Variants in IFRD1 observed in about 807,000 individuals in gnomAD.
The protein encoded by IFRD1 is interferon-related developmental regulator 1.
In IFRD1, 35 loss-of-function variants were observed where a neutral mutation model predicts 52.9. The observed-to-expected ratio is 0.66, with a 90% CI of 0.51 to 0.88. IFRD1 has a LOEUF of 0.88. Ranked by LOEUF, IFRD1 falls within the 40% of genes least tolerant of loss-of-function variation. The pLI is 0.00. For missense variants in IFRD1, 517 were observed against 550.8 expected, an observed-to-expected ratio of 0.94 and a Z score of 0.61; for synonymous variants, 184 against 188.4, an observed-to-expected ratio of 0.98 and a Z score of 0.19.
chr7:112,463,560 T>C (rs1795520161), intron 8 of IFRD1, among the ~76,000 whole-genome samples: 2 of 152,144 alleles, frequency 1.3e-5, no homozygotes, highest in Non-Finnish European at 2.9e-5. Context: ...CTAATAATTC[T>C]CCTTATGTGA....
At chr7:112,466,178 T>G (rs1259000110) in intron 8 of IFRD1, among the ~76,000 whole-genome samples, 1 of 152,148 alleles carries the variant, frequency 6.6e-6, no homozygotes, top group African/African-American at 2.4e-5. Context: ...TATCGTAAAG[T>G]CCTATTAATA....
At chr7:112,469,838 G>A (rs563091478) in intron 9 of IFRD1, among the ~76,000 whole-genome samples, 8 of 152,102 alleles carry the variant, frequency 5.3e-5, no homozygotes, top group East Asian at 1.9e-4. Flanking sequence ...TGATCTACCC[G>A]CCCACCTTCT....
intron 1 of IFRD1, among the ~76,000 whole-genome samples, chr7:112,445,260 G>A (rs1052009244): frequency 5.3e-5 from 8 of 151,890 alleles, no homozygotes; most frequent in South Asian, 2.1e-4. Flanking sequence ...TAGAGACGGG[G>A]TTTCACCGTG....
chr7:112,426,670 A>G (rs1377955205), intron 1 of IFRD1, among the ~76,000 whole-genome samples: 4 of 152,164 alleles, frequency 2.6e-5, no homozygotes, highest in African/African-American at 9.7e-5. Context: ...TGGGATCCAC[A>G]CATGTCTCAT....
chr7:112,460,827 T>A (rs1795416926), intron 5 of IFRD1, among the ~76,000 whole-genome samples: 1 of 152,168 alleles, frequency 6.6e-6, no homozygotes. Context: ...CTTAAAGCTT[T>A]AATAATGCTT....
At chr7:112,458,305 T>G (rs1795343926) in intron 4 of IFRD1, 1 of 145,108 alleles carries the variant, frequency 6.9e-6, no homozygotes, top group African/African-American at 2.7e-5. Context: ...GGCGACAGAG[T>G]GAGACCCTGT....
intron 9 of IFRD1, 74 bp downstream of exon 9, chr7:112,468,189 C>G (rs2117326464): frequency 6.8e-7 from 1 of 1,466,774 alleles, no homozygotes; most frequent in Non-Finnish European, 9.5e-7. Flanking sequence ...GACAATTGTA[C>G]CATTTTGTTG....
In IFRD1 at chr7:112,453,944, T is replaced by C. The variant is rs1048212979; in HGVS notation, c.95-1819T>C. 1.2e-4 allele frequency among the ~76,000 whole-genome samples: 18 copies of C among 152,130 alleles called. 1 individual carries two copies. The highest frequency in any genetic ancestry group is 4.1e-4 in the African/African-American group (17 of 41,422). Reference sequence around the variant, plus strand: ...AAAAAAACCGTTAAGGTGGTGACGTTTGAACATACGAACTTTGATTTTACT... The same window carrying C: ...AAAAAAACCGTTAAGGTGGTGACGTCTGAACATACGAACTTTGATTTTACT... On this transcript the variant is annotated intron_variant, in intron 1 of 11. Coordinates refer to ENST00000403825, the MANE Select transcript of IFRD1 (RefSeq NM_001550.4).
intron 4 of IFRD1, chr7:112,457,526 T>C (rs1795326521): frequency 6.2e-6 from 1 of 161,390 alleles, no homozygotes. Context: ...AAAGATAATT[T>C]TATCAGACCT....
At chr7:112,446,145 T>C (rs1795024565), upstream of IFRD1, 1 of 158,690 alleles carries the variant, frequency 6.3e-6, no homozygotes, top group Admixed American at 6.4e-5. Context: ...GTTCATGTCT[T>C]TTATTAACTC....
chr7:112,458,833 C>A (rs779480063), intron 4 of IFRD1, 28 bp from the exon 5 acceptor site: 1 of 1,607,538 alleles, frequency 6.2e-7, no homozygotes, highest in Admixed American at 1.7e-5. Flanking sequence ...AAAAGACTAT[C>A]GTGATTGCAT....
At chr7:112,426,056 T>C (rs1403561529) in intron 1 of IFRD1, among the ~76,000 whole-genome samples, 3 of 152,144 alleles carry the variant, frequency 2.0e-5, no homozygotes, top group Non-Finnish European at 2.9e-5. Context: ...CTTTCATGAA[T>C]AAAACTTTCA....
chr7:112,461,618 T>C (rs1795434859), intron 5 of IFRD1: 2 of 269,778 alleles, frequency 7.4e-6, no homozygotes, highest in Non-Finnish European at 1.4e-5. Flanking sequence ...AAAAGAAGAC[T>C]GAAGAGGAAC....
chr7:112,428,635 C>T (rs921501382), intron 1 of IFRD1, among the ~76,000 whole-genome samples: 9 of 152,142 alleles, frequency 5.9e-5, no homozygotes, highest in Non-Finnish European at 1.3e-4. Flanking sequence ...CTATCATCTG[C>T]TTATGAGGTG....
upstream of IFRD1, chr7:112,450,437 G>T: frequency 1.3e-5 from 7 of 541,586 alleles, no homozygotes; most frequent in Non-Finnish European, 2.3e-5. Flanking sequence ...TGCTACTTAA[G>T]GCGTCGTGGC....
intron 1 of IFRD1, among the ~76,000 whole-genome samples, chr7:112,442,220 C>T (rs1794907772): frequency 6.6e-6 from 1 of 152,130 alleles, no homozygotes; most frequent in African/African-American, 2.4e-5. Flanking sequence ...CTAGTCTTGT[C>T]CTTATAAGTC....
At chr7:112,438,133 T>C (rs1584471023) in intron 1 of IFRD1, among the ~76,000 whole-genome samples, 1 of 152,280 alleles carries the variant, frequency 6.6e-6, no homozygotes, top group South Asian at 2.1e-4. Context: ...ATATCAAAGC[T>C]AGGGATTTTA....
intron 1 of IFRD1, among the ~76,000 whole-genome samples, chr7:112,430,952 G>T (rs1794534267): frequency 6.6e-6 from 1 of 152,218 alleles, no homozygotes; most frequent in African/African-American, 2.4e-5. Flanking sequence ...AGAGTGGAAG[G>T]ACCATTCCTT....
upstream of IFRD1, among the ~76,000 whole-genome samples, chr7:112,448,470 G>A (rs908800113): frequency 6.6e-6 from 1 of 152,170 alleles, no homozygotes; most frequent in East Asian, 1.9e-4. Context: ...AAGAGCCTAG[G>A]GTTATAAAAG....
Sources: allele counts gnomAD v4.1 joint callset (sites outside exome capture counted in the v4.1 genomes callset), GRCh38; gene constraint gnomAD v4.1.1; transcripts MANE v1.5; gene names NCBI Gene and HGNC (gene_info 2026-07-23, HGNC 2026-07-21).